The following TMEM26 variants were observed in gnomAD, a reference collection of about 807,000 sequenced individuals.
TMEM26 encodes the protein transmembrane protein 26.
Under a neutral mutation model 28.8 loss-of-function variants are expected in TMEM26, and 38 were observed. The observed-to-expected ratio is 1.32, with a 90% CI of 1.02 to 1.73. The LOEUF is 1.73. Among genes scored for constraint, TMEM26 ranks in the 40% most tolerant of loss-of-function variants. TMEM26 has a pLI of 0.00. For synonymous variants in TMEM26, 227 were observed against 182.9 expected (o/e 1.24, Z -1.95); for missense variants, 518 against 447.1 (o/e 1.16, Z -1.43).
chr10:61,445,768 A>G (rs1840170556), intron 1 of TMEM26, among the ~76,000 whole-genome samples: 1 of 152,176 alleles, frequency 6.6e-6, no homozygotes, highest in African/African-American at 2.4e-5. Context: ...ACTTTACAGG[A>G]ACTTCCAGGG....
At chr10:61,443,296 CAA>C (rs536125967) in intron 1 of TMEM26, among the ~76,000 whole-genome samples, 77 of 117,168 alleles carry the variant, frequency 6.6e-4, no homozygotes, top group African/African-American at 1.0e-3. Context: ...CTAAAAATAC[CAA>C]AAAAAAAAAA....
At chr10:61,429,174 G>T in intron 3 of TMEM26, 28 bp from the exon 4 acceptor site, 1 of 1,578,300 alleles carries the variant, frequency 6.3e-7, no homozygotes, top group Non-Finnish European at 8.7e-7. Context: ...CATACAGACA[G>T]GATTATCAGC....
At chr10:61,416,628 A>AG (rs1405916563) in intron 4 of TMEM26, among the ~76,000 whole-genome samples, 2 of 151,986 alleles carry the variant, frequency 1.3e-5, no homozygotes, top group African/African-American at 2.4e-5. Context: ...TCCTTGCCTG[A>AG]CATGTCTTTG....
rs766550537 is a variant in TMEM26 at position 61,410,192 on chromosome 10, G to T, written c.*130C>A. Reference sequence around the variant, plus strand: ...GAAAAAAGAAAATTCCTCAGCTTTGGTTTAAGATCACCTTTTTATGTTGTT... The same window carrying T: ...GAAAAAAGAAAATTCCTCAGCTTTGTTTTAAGATCACCTTTTTATGTTGTT... On this transcript the variant is annotated 3_prime_UTR_variant, in exon 6 of 6. Coordinates refer to ENST00000399298, the MANE Select transcript of TMEM26 (RefSeq NM_178505.8). 17 of 1,064,152 alleles carry T rather than the reference G, an allele frequency of 1.6e-5. No homozygotes were observed. Among genetic ancestry groups the T allele is most frequent in the Non-Finnish European group, 2.2e-5 (17 of 758,826 alleles). The allele number at this position is 1,064,152 out of a possible 1,614,324, so 65.9% of individuals were successfully genotyped here.
chr10:61,428,694 G>T (rs990954877), intron 4 of TMEM26, among the ~76,000 whole-genome samples: 1 of 152,058 alleles, frequency 6.6e-6, no homozygotes, highest in Non-Finnish European at 1.5e-5. Flanking sequence ...CTCCCACAGA[G>T]AATATTATGT....
chr10:61,427,269 T>C (rs1015686562), intron 4 of TMEM26, among the ~76,000 whole-genome samples: 1 of 152,076 alleles, frequency 6.6e-6, no homozygotes, highest in South Asian at 2.1e-4. Flanking sequence ...GGAGTATTTA[T>C]GGTGTCTTGA....
In TMEM26 at chr10:61,446,817, CAAAAAAAAAAAAAAAAAA is replaced by C. The variant is rs34030340; in HGVS notation, c.191+6056_191+6073del. 1.1e-3 allele frequency among the ~76,000 whole-genome samples: 38 copies of C among 33,942 alleles called. 1 individual carries two copies. The highest frequency in any genetic ancestry group is 3.8e-3 in the African/African-American group (33 of 8,686). The allele number at this position is 33,942 out of a possible 152,430, so 22.3% of individuals were successfully genotyped here. A position where few individuals can be genotyped will look rare whatever the true frequency, so the allele number is the denominator to read the frequency against. On this transcript the variant is annotated intron_variant, in intron 1 of 5. Coordinates refer to ENST00000399298, the MANE Select transcript of TMEM26 (RefSeq NM_178505.8). The stretch of plus-strand genomic sequence containing the variant: ...CTGGCGACAGAGCGAGACTCCATCT[CAAAAAAAAAAAAAAAAAA>C]AAAAAAAAAAAAAAAAATTAAAAAT...
Position 61,453,214 on chromosome 10 carries a change from C to T in TMEM26, c.-133G>A. On this transcript the variant is annotated 5_prime_UTR_variant, in exon 1 of 6. Transcript: ENST00000399298. ...CTGCTGCTTGTGGTCCCTTCTCACC[C>T]TCAGCGCCCGATGCCGGTAGAACTG... 2 of 915,830 alleles carry T rather than the reference C, an allele frequency of 2.2e-6. No homozygotes were observed. Among genetic ancestry groups the T allele is most frequent in the Non-Finnish European group, 3.2e-6 (2 of 618,952 alleles). 56.7% of individuals were successfully genotyped at this position (915,830 alleles called of 1,614,324 possible).
chr10:61,427,380 A>G (rs1221383567), intron 4 of TMEM26, among the ~76,000 whole-genome samples: 4 of 151,966 alleles, frequency 2.6e-5, no homozygotes, highest in South Asian at 2.1e-4. Context: ...TTGTTCCCCA[A>G]TCTCTGCCTA....
chr10:61,424,192 A>G (rs1170645834), intron 4 of TMEM26, among the ~76,000 whole-genome samples: 1 of 152,214 alleles, frequency 6.6e-6, no homozygotes, highest in Non-Finnish European at 1.5e-5. Context: ...AAGGGATCAA[A>G]CTAATTAGCA....
intron 1 of TMEM26, among the ~76,000 whole-genome samples, chr10:61,447,698 A>G (rs750070567): frequency 9.2e-5 from 14 of 152,266 alleles, no homozygotes; most frequent in Middle Eastern, 3.4e-3. Context: ...ATTTGAGGGT[A>G]TGTCAGAAAT....
intron 4 of TMEM26, chr10:61,415,209 TAAA>T: frequency 1.0e-6 from 1 of 959,116 alleles, no homozygotes. Flanking sequence ...GCAGCAGCCA[TAAA>T]AAAGGGCTCA....
At chr10:61,418,525 CA>C (rs199711333) in intron 4 of TMEM26, among the ~76,000 whole-genome samples, 1 of 151,134 alleles carries the variant, frequency 6.6e-6, no homozygotes, top group Admixed American at 6.6e-5. Flanking sequence ...CTATAGTCAG[CA>C]AAAAAACAAA....
At chr10:61,436,271 A>C in intron 1 of TMEM26, 23 bp from the exon 2 acceptor site, 1 of 1,496,614 alleles carries the variant, frequency 6.7e-7, no homozygotes, top group South Asian at 1.2e-5. Context: ...AGAAGAAAAA[A>C]TAGTTTAGCT....
At position 61,429,012 on chromosome 10, in the gene TMEM26, T is replaced by G. The variant is rs373612107; in HGVS notation, c.519A>C (p.Gln173His). 8 of 1,613,210 alleles carry G rather than the reference T, an allele frequency of 5.0e-6. No individual in the cohort carries two copies. Among genetic ancestry groups the G allele is most frequent in the African/African-American group, 1.3e-5 (1 of 74,874 alleles). The part of the protein sequence containing the change: ...LPIGGGITRD[Q>H]LSQLLLMFVG... ...CAAACATAAGAAGAAGTTGAGAGAG[T>G]TGATCTCGAGTGATCCCGCCTCCAA... Residue 173 changes from glutamine to histidine, a missense_variant, in exon 4 of 6, where the codon CAA (glutamine) becomes CAC (histidine). Coordinates refer to ENST00000399298, the MANE Select transcript of TMEM26 (RefSeq NM_178505.8).
At position 61,429,105 on chromosome 10, in the gene TMEM26, T is replaced by G. The variant is rs1023728372; in HGVS notation, c.426A>C (p.Lys142Asn). Residue 142 changes from lysine to asparagine, a missense_variant, in exon 4 of 6, where the codon AAA becomes AAC. By Grantham distance (94) the Lys-to-Asn change is moderately conservative. Coordinates refer to ENST00000399298, the MANE Select transcript of TMEM26 (RefSeq NM_178505.8). ...FVNNLSTVCE[K>N]VWTLGLHQTF... ...TCTGATGGAGTCCCAATGTCCAAAC[T>G]TTCTCACATACTGTAGATAAGTTAT... 6.2e-7 allele frequency: 1 copy of G among 1,613,228 alleles called. No individual in the cohort carries two copies. Among genetic ancestry groups the G allele is most frequent in the South Asian group, 1.1e-5 (1 of 91,066 alleles).
chr10:61,438,846 T>C (rs1042442874), intron 1 of TMEM26, among the ~76,000 whole-genome samples: 2 of 152,234 alleles, frequency 1.3e-5, no homozygotes, highest in Non-Finnish European at 2.9e-5. Context: ...TACAACTGAC[T>C]GTGTATTTTA....
At chr10:61,421,088 A>G (rs181182821) in intron 4 of TMEM26, among the ~76,000 whole-genome samples, 3 of 152,162 alleles carry the variant, frequency 2.0e-5, no homozygotes, top group Admixed American at 6.5e-5. Flanking sequence ...TGCTATGACC[A>G]AATGGAGCCA....
At chr10:61,433,969 T>C (rs1302217371) in intron 2 of TMEM26, among the ~76,000 whole-genome samples, 1 of 152,176 alleles carries the variant, frequency 6.6e-6, no homozygotes, top group African/African-American at 2.4e-5. Flanking sequence ...GTATCATGCC[T>C]AACCTATGGA....
Sources: gnomAD v4.1 joint callset for allele counts (sites outside exome capture counted in the v4.1 genomes callset) on GRCh38, gnomAD v4.1.1 for gene constraint, MANE v1.5 for transcripts, NCBI Gene and HGNC (gene_info 2026-07-23, HGNC 2026-07-21) for gene names.